Variants in UTP20 observed in about 807,000 individuals in gnomAD.
The protein encoded by UTP20 is UTP20 small subunit processome component.
Under a neutral mutation model 329.5 loss-of-function variants are expected in UTP20, and 164 were observed. That is an observed-to-expected ratio of 0.50 (90% confidence interval 0.44 to 0.57). UTP20 has a LOEUF of 0.57. Among genes scored for constraint, UTP20 ranks in the 20% least tolerant of loss-of-function variants. The pLI is 0.00. For synonymous variants in UTP20, 1,151 were observed against 1,159.3 expected, an observed-to-expected ratio of 0.99 and a Z score of 0.14; for missense variants, 3,055 against 3,284.2, an observed-to-expected ratio of 0.93 and a Z score of 1.71.
intron 24 of UTP20, among the ~76,000 whole-genome samples, chr12:101,321,174 CTCT>C (rs888910429): frequency 6.6e-6 from 1 of 151,784 alleles, no homozygotes; most frequent in Non-Finnish European, 1.5e-5. Flanking sequence ...TGTCATTTTC[CTCT>C]TCTTATTAAT....
chr12:101,350,732 G>T (rs1042796940), intron 38 of UTP20, among the ~76,000 whole-genome samples: 1 of 152,086 alleles, frequency 6.6e-6, no homozygotes, highest in African/African-American at 2.4e-5. Context: ...TGGCTGATAG[G>T]ACTGTGAACT....
intron 45 of UTP20, among the ~76,000 whole-genome samples, chr12:101,364,601 A>C (rs1870033884): frequency 6.6e-6 from 1 of 152,172 alleles, no homozygotes; most frequent in Non-Finnish European, 1.5e-5. Flanking sequence ...TAATTTACCC[A>C]CCTTCCTATT....
intron 21 of UTP20, 37 bp downstream of exon 21, chr12:101,312,313 G>T: frequency 2.5e-6 from 4 of 1,603,980 alleles, no homozygotes; most frequent in Non-Finnish European, 3.4e-6. Context: ...CCCTGGTGGG[G>T]CATGAAGAAG....
At chr12:101,308,418 T>G in intron 18 of UTP20, 75 bp downstream of exon 18, 1 of 904,936 alleles carries the variant, frequency 1.1e-6, no homozygotes, top group Non-Finnish European at 1.4e-6. Context: ...CATCAAGTAG[T>G]CACCAAAATA....
chr12:101,307,266 C>T lies in UTP20; in HGVS notation c.1995+505C>T, dbSNP rs185230761. Among the ~76,000 whole-genome samples the T allele has an allele frequency of 1.0e-3, 151 of 148,088 alleles. No individual in the cohort carries two copies. In the East Asian group the frequency reaches 0.012, roughly 12 times the overall value. On this transcript the variant is annotated intron_variant, in intron 17 of 61. Coordinates refer to ENST00000261637, the MANE Select transcript of UTP20 (RefSeq NM_014503.3). ...TCACCACTGAAAATCCACCATTAATCGGCAAATATTCTTTCAAACTTTTTG... is the reference window on the plus strand; with the variant it reads ...TCACCACTGAAAATCCACCATTAATTGGCAAATATTCTTTCAAACTTTTTG...
At chr12:101,293,037 G>T in intron 10 of UTP20, 131 bp from the exon 11 acceptor site, 1 of 834,788 alleles carries the variant, frequency 1.2e-6, no homozygotes, top group Non-Finnish European at 1.9e-6. Context: ...AAGCACCTTT[G>T]GAGAAGGCCG....
Position 101,320,945 on chromosome 12 carries a change from A to G in UTP20, c.2915+8A>G. ...TCATGTCCTCCCTTACAGGTAAGTT[A>G]CTTGAAGCTTAAAGAACTGTTATTT... On this transcript the variant is annotated splice_region_variant and intron_variant, in intron 24 of 61. Coordinates refer to ENST00000261637, the MANE Select transcript of UTP20 (RefSeq NM_014503.3). The G allele has an allele frequency of 6.3e-7, 1 of 1,598,630 alleles. No individual in the cohort carries two copies. The highest frequency in any genetic ancestry group is 8.5e-7 in the Non-Finnish European group (1 of 1,175,046).
At chr12:101,373,802 G>A in intron 54 of UTP20, 35 bp downstream of exon 54, 1 of 1,592,366 alleles carries the variant, frequency 6.3e-7, no homozygotes, top group South Asian at 1.1e-5. Context: ...TCAGTGACAA[G>A]TCTTAGCTTT....
chr12:101,373,623 T>C lies in UTP20; in HGVS notation c.6987T>C (p.Pro2329=), dbSNP rs763017663. Residue 2329 remains proline, a synonymous_variant, in exon 54 of 62, where the codon CCT becomes CCC. Transcript: ENST00000261637. ...LHENCGMFFI[P]LCLMTINDDS... ...AGAACTGCGGAATGTTCTTTATCCC[T>C]CTTTGTCTAATGACGATCAATGATG... is the stretch of plus-strand genomic sequence containing the variant. The C allele has an allele frequency of 3.1e-5, 50 of 1,612,710 alleles. No individual in the cohort carries two copies. The highest frequency in any genetic ancestry group is 4.2e-5 in the Non-Finnish European group (49 of 1,179,750).
At chr12:101,328,784 G>A (rs545850265) in intron 26 of UTP20, among the ~76,000 whole-genome samples, 7 of 151,650 alleles carry the variant, frequency 4.6e-5, no homozygotes, top group Admixed American at 6.6e-5. Flanking sequence ...CAGGAGAACC[G>A]CGTGGACCCG....
At chr12:101,342,124 T>TC (rs1025268675) in intron 32 of UTP20, among the ~76,000 whole-genome samples, 12 of 152,112 alleles carry the variant, frequency 7.9e-5, no homozygotes, top group African/African-American at 2.9e-4. Flanking sequence ...CTGGAACCAG[T>TC]CCCCCTTGGA....
intron 10 of UTP20, 58 bp downstream of exon 10, chr12:101,292,162 A>C: frequency 6.4e-7 from 1 of 1,562,908 alleles, no homozygotes; most frequent in Non-Finnish European, 8.7e-7. Context: ...GCATTGAGTA[A>C]CCTTCTGAGG....
At chr12:101,288,889 T>C (rs939535450) in intron 5 of UTP20, 71 bp from the exon 6 acceptor site, 3 of 1,349,548 alleles carry the variant, frequency 2.2e-6, no homozygotes, top group Non-Finnish European at 3.1e-6. Flanking sequence ...TTGCCCATAT[T>C]GTTGACATGT....
chr12:101,306,119 T>C (rs1872636973), intron 16 of UTP20, 54 bp downstream of exon 16: 4 of 1,485,100 alleles, frequency 2.7e-6, no homozygotes, highest in East Asian at 2.5e-5. Flanking sequence ...TGTTTCTATA[T>C]GGACTGCAGT....
At chr12:101,310,948 G>A (rs752725623) in intron 19 of UTP20, among the ~76,000 whole-genome samples, 2 of 152,208 alleles carry the variant, frequency 1.3e-5, no homozygotes, top group African/African-American at 4.8e-5. Context: ...TCAGAAGAGA[G>A]AATTTGACAT....
chr12:101,292,900 A>G (rs1800035529), intron 10 of UTP20, among the ~76,000 whole-genome samples: 1 of 152,244 alleles, frequency 6.6e-6, no homozygotes. Flanking sequence ...GGAGCACAGT[A>G]GTACACTTTG....
At chr12:101,370,334 G>A (rs777626917) in intron 49 of UTP20, 98 bp from the exon 50 acceptor site, 130 of 1,387,560 alleles carry the variant, frequency 9.4e-5, no homozygotes, top group Non-Finnish European at 1.2e-4. Context: ...CACCCTGTTT[G>A]GAAAAGCATA....
intron 38 of UTP20, among the ~76,000 whole-genome samples, chr12:101,351,829 G>A: frequency 6.6e-6 from 1 of 152,088 alleles, no homozygotes; most frequent in Non-Finnish European, 1.5e-5. Context: ...GGAGGTCTGA[G>A]TGGAAAAGAG....
chr12:101,317,659 G>C lies in UTP20; in HGVS notation c.2734G>C (p.Ala912Pro). The C allele has an allele frequency of 1.2e-6, 2 of 1,606,612 alleles. No homozygotes were observed. Among genetic ancestry groups the C allele is most frequent in the Non-Finnish European group, 1.7e-6 (2 of 1,176,806 alleles). Residue 912 changes from alanine to proline, a missense_variant, in exon 22 of 62, where the codon GCA becomes CCA. By Grantham distance (27) the Ala-to-Pro change is conservative. Around this residue, in one of 3 missense-constraint regions of UTP20, gnomAD observed 2,445 missense variants for 2,575.5 expected, o/e 0.95. Transcript: ENST00000261637. ...GAAGAAAAAGACGAGGAGAGCTGCA[G>C]CAAAGTAAGTTCACCATTGCTGAAA... The part of the protein sequence containing the change: ...SQKKKTRRAA[A>P]KQLIAHLQVF...
Sources: gnomAD v4.1 joint callset for allele counts (sites outside exome capture counted in the v4.1 genomes callset) on GRCh38, gnomAD v4.1.1 for gene constraint, gnomAD v4.1.1 regional missense constraint, MANE v1.5 for transcripts, NCBI Gene and HGNC (gene_info 2026-07-23, HGNC 2026-07-21) for gene names.